The following BACH2 variants were observed in gnomAD, a reference collection of about 807,000 sequenced individuals.
BACH2 encodes the protein transcription regulator protein BACH2.
In BACH2, 5 loss-of-function variants were observed where a neutral mutation model predicts 61.8. That is an observed-to-expected ratio of 0.08 (90% CI 0.04 to 0.17). The LOEUF is 0.17. Among genes scored for constraint, BACH2 ranks in the 10% least tolerant of loss-of-function variants. BACH2 has a pLI of 1.00. For synonymous variants in BACH2, 446 were observed against 440.1 expected (o/e 1.01, Z -0.17); for missense variants, 824 against 1,091.1 (o/e 0.76, Z 3.45).
intron 4 of BACH2, among the ~76,000 whole-genome samples, chr6:90,138,013 G>A (rs1784334462): frequency 2.0e-5 from 3 of 150,296 alleles, no homozygotes; most frequent in Non-Finnish European, 4.4e-5. Flanking sequence ...GATTCTCCCA[G>A]CCCTAATACT....
intron 5 of BACH2, among the ~76,000 whole-genome samples, chr6:90,058,834 T>A (rs1348696327): frequency 6.6e-6 from 1 of 152,164 alleles, no homozygotes; most frequent in Non-Finnish European, 1.5e-5. Flanking sequence ...TCTACAACTA[T>A]CTGATCTTTG....
intron 5 of BACH2, among the ~76,000 whole-genome samples, chr6:90,014,404 A>G (rs1336246516): frequency 1.5e-5 from 2 of 133,470 alleles, no homozygotes; most frequent in Non-Finnish European, 3.1e-5. Context: ...AAATTGTCAA[A>G]TTTATTGGCA....
At chr6:90,228,237 C>T (rs1769979421) in intron 3 of BACH2, among the ~76,000 whole-genome samples, 1 of 152,180 alleles carries the variant, frequency 6.6e-6, no homozygotes, top group African/African-American at 2.4e-5. Flanking sequence ...TTTACATAAT[C>T]TCCAACTTTC....
At chr6:89,955,565 A>G (rs1774382231) in intron 6 of BACH2, among the ~76,000 whole-genome samples, 1 of 152,138 alleles carries the variant, frequency 6.6e-6, no homozygotes, top group African/African-American at 2.4e-5. Context: ...CCTCCCAGGA[A>G]CCCATCTCTG....
intron 6 of BACH2, among the ~76,000 whole-genome samples, chr6:89,969,727 A>C (rs1450043385): frequency 6.6e-6 from 1 of 152,152 alleles, no homozygotes; most frequent in African/African-American, 2.4e-5. Context: ...CATAAAAGGG[A>C]ATGACATGAC....
chr6:90,230,581 T>G (rs1770062410), intron 3 of BACH2, among the ~76,000 whole-genome samples: 1 of 152,176 alleles, frequency 6.6e-6, no homozygotes, highest in South Asian at 2.1e-4. Context: ...AAACCACAAC[T>G]TTAAAAGGTA....
chr6:90,244,850 C>T (rs1582526761), intron 3 of BACH2, among the ~76,000 whole-genome samples: 1 of 152,266 alleles, frequency 6.6e-6, no homozygotes, highest in South Asian at 2.1e-4. Context: ...TGAAATTAAC[C>T]AAACAAGAAC....
chr6:90,094,208 T>C (rs1433123719), intron 4 of BACH2, among the ~76,000 whole-genome samples: 1 of 152,196 alleles, frequency 6.6e-6, no homozygotes, highest in African/African-American at 2.4e-5. Context: ...GGAGTGTTCT[T>C]ACCAATTAGT....
intron 4 of BACH2, among the ~76,000 whole-genome samples, chr6:90,169,718 T>G (rs911996456): frequency 2.0e-5 from 3 of 152,204 alleles, no homozygotes; most frequent in African/African-American, 7.2e-5. Flanking sequence ...TCTTTAAAGG[T>G]CTCCACTGCT....
At chr6:89,978,581 C>G (rs939372648) in intron 6 of BACH2, among the ~76,000 whole-genome samples, 1 of 137,658 alleles carries the variant, frequency 7.3e-6, no homozygotes, top group South Asian at 2.4e-4. Flanking sequence ...TTGCCATCAG[C>G]TGGGGTGAGT....
rs568559403 is a variant in BACH2 at position 89,946,464 on chromosome 6, C to T, written c.1836+3806G>A. 5.3e-5 allele frequency among the ~76,000 whole-genome samples: 8 copies of T among 152,214 alleles called. No individual in the cohort carries two copies. In the East Asian group the frequency reaches 9.6e-4, roughly 18 times the overall value. On this transcript the variant is annotated intron_variant, in intron 7 of 8. Coordinates refer to ENST00000257749, the MANE Select transcript of BACH2 (RefSeq NM_021813.4). ...CTTTAGCCCATCTTTGAAACTAACCCACAAAAATAAATGCACCACTACTAA... is the reference window on the plus strand; with the variant it reads ...CTTTAGCCCATCTTTGAAACTAACCTACAAAAATAAATGCACCACTACTAA...
chr6:89,953,755 A>T, intron 6 of BACH2, among the ~76,000 whole-genome samples: 1 of 152,356 alleles, frequency 6.6e-6, no homozygotes, highest in African/African-American at 2.4e-5. Context: ...CAAGGTGACA[A>T]CACAGTATGT....
chr6:90,081,556 A>G (rs1781721839), intron 5 of BACH2, among the ~76,000 whole-genome samples: 1 of 152,176 alleles, frequency 6.6e-6, no homozygotes, highest in African/African-American at 2.4e-5. Context: ...ATATTAATCC[A>G]ATATACACTG....
At chr6:90,150,374 G>T (rs1460172385) in intron 4 of BACH2, among the ~76,000 whole-genome samples, 1 of 152,152 alleles carries the variant, frequency 6.6e-6, no homozygotes, top group African/African-American at 2.4e-5. Context: ...CTGAGTTAAA[G>T]GTAGTTTTAA....
At chr6:90,273,989 G>C (rs890777023) in intron 1 of BACH2, among the ~76,000 whole-genome samples, 4 of 152,126 alleles carry the variant, frequency 2.6e-5, no homozygotes, top group Non-Finnish European at 5.9e-5. Context: ...CCTTCCAGTG[G>C]GACTATAAAC....
rs1395010732 is a variant in BACH2, at chr6:90,008,170, T to G, written c.243+432A>C. ...CTGAATTAATGGTGAAAATTACTAG[T>G]TGCTTTTATTTTTCCCCCAAGCAAA... is the stretch of plus-strand genomic sequence containing the variant. On this transcript the variant is annotated intron_variant, in intron 6 of 8. Transcript: ENST00000257749. This position sits in a 1 kb window ranked among gnomAD's most constrained non-coding sequence, Gnocchi z 4.1. The G allele has an allele frequency of 6.0e-6, 1 of 167,142 alleles. No individual in the cohort carries two copies. The highest frequency in any genetic ancestry group is 1.3e-5 in the Non-Finnish European group (1 of 76,514). The allele number at this position is 167,142 out of a possible 1,614,324, so 10.4% of individuals were successfully genotyped here.
chr6:90,074,317 T>A lies in BACH2; in HGVS notation c.-13+14644A>T, dbSNP rs76670533. The stretch of plus-strand genomic sequence containing the variant: ...AATGACTTTATTGTTCATTTGAACA[T>A]GTCTTTATAGGATCTCTGGTGGTAG... On this transcript the variant is annotated intron_variant, in intron 5 of 8. Transcript: ENST00000257749. Among the ~76,000 whole-genome samples, 878 of 152,310 alleles carry A rather than the reference T, an allele frequency of 5.8e-3. 48 individuals carry two copies. In the East Asian group the frequency reaches 0.13, roughly 23 times the overall value.
At chr6:90,039,587 T>C (rs1305155417) in intron 5 of BACH2, among the ~76,000 whole-genome samples, 2 of 152,188 alleles carry the variant, frequency 1.3e-5, no homozygotes, top group Non-Finnish European at 1.5e-5. Flanking sequence ...GGTTTCATCG[T>C]GTTAGCCAGG....
intron 5 of BACH2, among the ~76,000 whole-genome samples, chr6:90,065,640 T>C (rs1780923853): frequency 6.6e-6 from 1 of 152,100 alleles, no homozygotes; most frequent in Non-Finnish European, 1.5e-5. Flanking sequence ...TCAGCCCCAG[T>C]CGAGCCAGTC....
Sources: gnomAD v4.1 joint callset for allele counts (sites outside exome capture counted in the v4.1 genomes callset) on GRCh38, gnomAD v4.1.1 for gene constraint, Gnocchi (gnomAD v3.1) non-coding constraint, MANE v1.5 for transcripts, NCBI Gene and HGNC (gene_info 2026-07-23, HGNC 2026-07-21) for gene names.